Variants in RIMBP2 observed in about 807,000 individuals in gnomAD.
RIMBP2 encodes RIMS binding protein 2, also known as RIMS-binding protein 2.
RIMBP2 carries 48 observed loss-of-function variants against 118.6 expected under a neutral mutation model. The ratio of observed to expected loss-of-function variants is 0.40; its 90% confidence interval spans 0.32 to 0.51. The LOEUF is 0.51. Ranked by LOEUF, RIMBP2 falls within the 20% of genes least tolerant of loss-of-function variation. The pLI is 0.41. For synonymous variants in RIMBP2, 762 were observed against 742.9 expected (o/e 1.03, Z -0.42); for missense variants, 1,551 against 1,768.3 (o/e 0.88, Z 2.20).
At chr12:130,497,051 A>G (rs2048780) in intron 4 of RIMBP2, among the ~76,000 whole-genome samples, 142,488 of 152,122 alleles carry the variant, frequency 0.94, 67,455 homozygotes, top group East Asian at 1. Context: ...TGGGCGCTCC[A>G]TGGCTCTGAT....
chr12:130,636,550 G>C (rs1301793971), intron 1 of RIMBP2, among the ~76,000 whole-genome samples: 1 of 152,170 alleles, frequency 6.6e-6, no homozygotes, highest in Admixed American at 6.5e-5. Context: ...AAATGGACTA[G>C]ATGAGGTAAT....
Position 130,456,628 on chromosome 12 carries a change from C to CCCCCGGA in RIMBP2, c.225_226insTCCGGGG (p.Glu76SerfsTer13). 1 of 1,613,620 alleles carries CCCCCGGA rather than the reference C, an allele frequency of 6.2e-7. No individual in the cohort carries two copies. Among genetic ancestry groups the CCCCCGGA allele is most frequent in the Non-Finnish European group, 8.5e-7 (1 of 1,179,806 alleles). ...TTGCCAGCGTGCTGCCGGAACTTCT[C>CCCCCGGA]CAGGTCCCGGGACAGCAGGTTGAAC... is the stretch of plus-strand genomic sequence containing the variant. On this transcript the variant is annotated frameshift_variant, in exon 7 of 23. Coordinates refer to ENST00000690449, the MANE Select transcript of RIMBP2 (RefSeq NM_001393629.1). LOFTEE classifies it high-confidence loss of function.
Position 130,428,218 on chromosome 12 carries a change from T to A in RIMBP2, c.2373A>T (p.Gly791=). ...LYSEMQLEDG[G]RRRPSGTSHN... ...GGGACGTGCCGCTGGGCCGCCTCCT[T>A]CCCCCATCTTCCAGCTGCATTTCAG... Residue 791 remains glycine (G), a synonymous_variant, in exon 15 of 23, where the codon GGA becomes GGT. Transcript: ENST00000690449. 1.2e-6 allele frequency: 2 copies of A among 1,613,014 alleles called. No homozygotes were observed. Among genetic ancestry groups the A allele is most frequent in the Non-Finnish European group, 1.7e-6 (2 of 1,179,542 alleles).
At chr12:130,630,314 A>T (rs1461187169) in intron 1 of RIMBP2, among the ~76,000 whole-genome samples, 1 of 151,460 alleles carries the variant, frequency 6.6e-6, no homozygotes, top group Non-Finnish European at 1.5e-5. Context: ...AAATTAACAT[A>T]AAAATTAATT....
chr12:130,518,899 G>A (rs1164542896), intron 2 of RIMBP2, among the ~76,000 whole-genome samples: 1 of 152,136 alleles, frequency 6.6e-6, no homozygotes, highest in Non-Finnish European at 1.5e-5. Context: ...TACTCCAGAG[G>A]AAATAAAAAT....
chr12:130,494,281 G>A (rs370375878), intron 4 of RIMBP2, among the ~76,000 whole-genome samples: 128 of 152,198 alleles, frequency 8.4e-4, no homozygotes, highest in Non-Finnish European at 1.4e-3. Context: ...CCGCCACCAC[G>A]GTTCTCCCTG....
In RIMBP2 at chr12:130,474,672, T is replaced by C. The variant is rs567584644; in HGVS notation, c.103-3929A>G. Among the ~76,000 whole-genome samples the C allele has an allele frequency of 7.5e-4, 114 of 152,252 alleles. No individual in the cohort carries two copies. In the South Asian group the frequency reaches 0.012, roughly 16 times the overall value. On this transcript the variant is annotated intron_variant, in intron 5 of 22. Coordinates refer to ENST00000690449, the MANE Select transcript of RIMBP2 (RefSeq NM_001393629.1). ...CAACCTGGGGACCAGGCATTGTCGA[T>C]AAGGGTCCCCAAGAGGGGACTGGCT...
chr12:130,667,055 G>GT (rs2063958923), intron 1 of RIMBP2, among the ~76,000 whole-genome samples: 4 of 115,232 alleles, frequency 3.5e-5, no homozygotes, highest in Non-Finnish European at 5.4e-5. Flanking sequence ...GAGGGAGGGA[G>GT]AAAAGGAAGA....
chr12:130,480,955 A>C (rs1325522196), intron 4 of RIMBP2, among the ~76,000 whole-genome samples: 1 of 152,196 alleles, frequency 6.6e-6, no homozygotes, highest in Non-Finnish European at 1.5e-5. Context: ...TAGCCTTCGC[A>C]AGTCATGAGG....
intron 1 of RIMBP2, among the ~76,000 whole-genome samples, chr12:130,704,906 G>A (rs561342507): frequency 1.1e-4 from 16 of 152,268 alleles, no homozygotes; most frequent in East Asian, 1.9e-4. Context: ...CTGTCTCCAC[G>A]ATGGTGGGGA....
rs945828734 is a variant in RIMBP2 at position 130,506,516 on chromosome 12, A to G, written c.-4+132T>C. 39 of 584,348 alleles carry G rather than the reference A, an allele frequency of 6.7e-5. No individual in the cohort carries two copies. The African/African-American group carries it at 7.5e-4, about 11-fold the overall frequency. The allele number at this position is 584,348 out of a possible 1,614,324, so 36.2% of individuals were successfully genotyped here. A position where few individuals can be genotyped will look rare whatever the true frequency, so the allele number is the denominator to read the frequency against. ...CACAAAAAGGGGAAAAACAGCCCCA[A>G]CATCTCTGAATGTGGATGATGGCTT... On this transcript the variant is annotated intron_variant, in intron 4 of 22. Transcript: ENST00000690449.
At chr12:130,454,629 G>A (rs931933899) in intron 7 of RIMBP2, among the ~76,000 whole-genome samples, 1 of 152,296 alleles carries the variant, frequency 6.6e-6, no homozygotes, top group East Asian at 1.9e-4. Context: ...AACAGAAGCC[G>A]TGGTGCAAAC....
At chr12:130,536,130 A>G (rs79227476) in intron 2 of RIMBP2, among the ~76,000 whole-genome samples, 1 of 152,274 alleles carries the variant, frequency 6.6e-6, no homozygotes, top group South Asian at 2.1e-4. Context: ...TGGAAAAAAA[A>G]GGAGACAAAA....
At position 130,414,295 on chromosome 12, in the gene RIMBP2, G is replaced by T. The variant is rs967487315; in HGVS notation, c.3250C>A (p.Arg1084=). ...TAGAAGTCTGGAGAAAGGCGGTCTCGCCCGTAATCGTCTGCGAGCAAGTGG... is the reference window on the plus strand; with the variant it reads ...TAGAAGTCTGGAGAAAGGCGGTCTCTCCCGTAATCGTCTGCGAGCAAGTGG... ...VTVPSIDDYG[R]DRLSPDFYEE... is the part of the protein sequence containing the mutation. The change falls in exon 18 of 23, where the codon CGA becomes AGA. Residue 1084 remains arginine, a synonymous_variant. Coordinates refer to ENST00000690449, the MANE Select transcript of RIMBP2 (RefSeq NM_001393629.1). The T allele has an allele frequency of 1.3e-6, 2 of 1,589,098 alleles. No individual in the cohort carries two copies. Among genetic ancestry groups the T allele is most frequent in the Non-Finnish European group, 1.7e-6 (2 of 1,165,736 alleles).
intron 2 of RIMBP2, among the ~76,000 whole-genome samples, chr12:130,611,639 C>T (rs554459562): frequency 6.6e-6 from 1 of 152,300 alleles, no homozygotes; most frequent in African/African-American, 2.4e-5. Flanking sequence ...ATTTAGGAAG[C>T]CCTTTGCCTC....
intron 12 of RIMBP2, among the ~76,000 whole-genome samples, chr12:130,437,640 G>A (rs1321269753): frequency 6.6e-6 from 1 of 152,228 alleles, no homozygotes. Flanking sequence ...AGGGAAGAGA[G>A]GGGCTCAGGC....
chr12:130,669,091 CCATGTATCTTA>C (rs2064083261), intron 1 of RIMBP2: 1 of 152,314 alleles, frequency 6.6e-6, no homozygotes, highest in South Asian at 2.1e-4. Flanking sequence ...CCAAACACAT[CCATGTATCTTA>C]CAGAGACCAG....
At chr12:130,580,713 G>T (rs1199562451) in intron 2 of RIMBP2, among the ~76,000 whole-genome samples, 1 of 152,212 alleles carries the variant, frequency 6.6e-6, no homozygotes, top group African/African-American at 2.4e-5. Context: ...GCTGGGGCAG[G>T]CAGATCACTT....
intron 14 of RIMBP2, chr12:130,430,008 G>A (rs1241468433): frequency 6.6e-6 from 1 of 152,278 alleles, no homozygotes; most frequent in Non-Finnish European, 1.5e-5. Context: ...GTGAGCTAGG[G>A]GTCAACTCCT....
Sources: gnomAD v4.1 joint callset for allele counts (sites outside exome capture counted in the v4.1 genomes callset) on GRCh38, gnomAD v4.1.1 for gene constraint, MANE v1.5 for transcripts, NCBI Gene and HGNC (gene_info 2026-07-23, HGNC 2026-07-21) for gene names.